Variants in ADARB2 observed in about 807,000 individuals in gnomAD.
ADARB2 encodes the protein inactive double-stranded RNA-specific editase B2.
Under a neutral mutation model 62.2 loss-of-function variants are expected in ADARB2, and 25 were observed. That is an observed-to-expected ratio of 0.40 (90% CI 0.29 to 0.56). ADARB2 has a LOEUF of 0.56. ADARB2 is among the 20% of genes least tolerant of loss of function. The pLI is 0.43. For missense variants in ADARB2, 1,071 were observed against 1,077.4 expected, an observed-to-expected ratio of 0.99 and a Z score of 0.08; for synonymous variants, 572 against 500.8, an observed-to-expected ratio of 1.14 and a Z score of -1.90.
intron 9 of ADARB2, among the ~76,000 whole-genome samples, 180 bp downstream of exon 9, chr10:1,184,681 C>T (rs1179776050): frequency 1.3e-5 from 2 of 152,220 alleles, no homozygotes; most frequent in Non-Finnish European, 2.9e-5. Flanking sequence ...GTAGCAGGGT[C>T]TCAAGCCTAC....
chr10:1,455,934 A>G (rs954475880), intron 1 of ADARB2, among the ~76,000 whole-genome samples: 1 of 152,220 alleles, frequency 6.6e-6, no homozygotes, highest in African/African-American at 2.4e-5. Context: ...TCTTTAATGT[A>G]TGTCACTTAA....
chr10:1,268,209 A>C (rs1215840520), intron 4 of ADARB2, among the ~76,000 whole-genome samples: 1 of 152,252 alleles, frequency 6.6e-6, no homozygotes, highest in Non-Finnish European at 1.5e-5. Context: ...AGTATGTAGT[A>C]CTTAGAATCA....
chr10:1,277,578 C>T (rs1831329564), intron 3 of ADARB2, among the ~76,000 whole-genome samples: 9 of 152,282 alleles, frequency 5.9e-5, no homozygotes, highest in Middle Eastern at 3.4e-3. Flanking sequence ...TCTGAATAGA[C>T]CAAAAACAGG....
intron 3 of ADARB2, among the ~76,000 whole-genome samples, chr10:1,313,185 G>T (rs922638091): frequency 6.6e-6 from 1 of 152,162 alleles, no homozygotes; most frequent in African/African-American, 2.4e-5. Context: ...TTATCTGTGT[G>T]GGGGAGGGCC....
chr10:1,516,741 G>C (rs1314520134), intron 1 of ADARB2, among the ~76,000 whole-genome samples: 1 of 152,216 alleles, frequency 6.6e-6, no homozygotes, highest in Non-Finnish European at 1.5e-5. Flanking sequence ...ACTGTGATGC[G>C]ACAGAGATGG....
chr10:1,510,063 C>CTCTT (rs200797624), intron 1 of ADARB2, among the ~76,000 whole-genome samples: 2 of 150,086 alleles, frequency 1.3e-5, no homozygotes, highest in African/African-American at 2.5e-5. Context: ...CTCTCTCTCA[C>CTCTT]TCTTTCTTTC....
At chr10:1,461,515 T>TATATATA (rs57405588) in intron 1 of ADARB2, among the ~76,000 whole-genome samples, 1 of 150,108 alleles carries the variant, frequency 6.7e-6, no homozygotes, top group African/African-American at 2.4e-5. Context: ...TGCATATATA[T>TATATATA]TTTTTTTTTT....
chr10:1,559,622 G>C lies in ADARB2; in HGVS notation c.100+177429C>G, dbSNP rs189895217. 1.7e-3 allele frequency among the ~76,000 whole-genome samples: 260 copies of C among 152,308 alleles called. 1 individual carries two copies. Among genetic ancestry groups the C allele is most frequent in the Middle Eastern group, 3.4e-3 (1 of 294 alleles). ...CGGTCAGGAGGAGCCTGGGCCGGTG[G>C]GGGGTGGTGCTGAGGTCAGCGGTGG... On this transcript the variant is annotated intron_variant, in intron 1 of 9. Transcript: ENST00000381312.
chr10:1,531,377 A>C (rs1319782853), intron 1 of ADARB2, among the ~76,000 whole-genome samples: 2 of 152,102 alleles, frequency 1.3e-5, no homozygotes, highest in Middle Eastern at 6.3e-3. Flanking sequence ...CAAAGATTCA[A>C]ATCTTTCTGG....
At chr10:1,658,093 T>C (rs1051091009) in intron 1 of ADARB2, among the ~76,000 whole-genome samples, 1 of 150,440 alleles carries the variant, frequency 6.6e-6, no homozygotes, top group Non-Finnish European at 1.5e-5. Context: ...TCTGTCTGAT[T>C]CTCTCTCTCT....
chr10:1,419,229 G>A (rs1477913540), intron 1 of ADARB2, among the ~76,000 whole-genome samples: 1 of 152,126 alleles, frequency 6.6e-6, no homozygotes, highest in Non-Finnish European at 1.5e-5. Flanking sequence ...AAGTAGCTGG[G>A]ATTACAGGCA....
intron 1 of ADARB2, among the ~76,000 whole-genome samples, chr10:1,511,569 C>A (rs1353907938): frequency 6.6e-6 from 1 of 151,984 alleles, no homozygotes; most frequent in Non-Finnish European, 1.5e-5. Flanking sequence ...AAGAATCAGC[C>A]GAGGAAGGAT....
At chr10:1,191,531 G>A (rs1836845783) in intron 8 of ADARB2, among the ~76,000 whole-genome samples, 1 of 152,138 alleles carries the variant, frequency 6.6e-6, no homozygotes, top group Non-Finnish European at 1.5e-5. Context: ...TAACGCCCTC[G>A]CTACCTGAGC....
chr10:1,199,233 T>C (rs1014657298), intron 8 of ADARB2, among the ~76,000 whole-genome samples: 2 of 150,822 alleles, frequency 1.3e-5, no homozygotes, highest in African/African-American at 4.9e-5. Flanking sequence ...CTTCCCGCTG[T>C]TCCTGTGAAA....
At chr10:1,321,813 G>A (rs1164059589) in intron 3 of ADARB2, among the ~76,000 whole-genome samples, 2 of 152,230 alleles carry the variant, frequency 1.3e-5, no homozygotes, top group African/African-American at 4.8e-5. Flanking sequence ...GTACTCTAAT[G>A]TAGAAGGAAG....
chr10:1,696,682 GC>G (rs1348039839), intron 1 of ADARB2, among the ~76,000 whole-genome samples: 2 of 152,174 alleles, frequency 1.3e-5, no homozygotes, highest in Non-Finnish European at 2.9e-5. Context: ...TGCTTCTCAG[GC>G]CTGCCCAGGG....
chr10:1,642,875 G>A (rs1275288173), intron 1 of ADARB2, among the ~76,000 whole-genome samples: 1 of 152,190 alleles, frequency 6.6e-6, no homozygotes, highest in East Asian at 1.9e-4. Flanking sequence ...TATGTTCTGG[G>A]TGAAGCGGGA....
intron 1 of ADARB2, among the ~76,000 whole-genome samples, chr10:1,577,899 G>A (rs1833041741): frequency 6.6e-6 from 1 of 152,202 alleles, no homozygotes; most frequent in South Asian, 2.1e-4. Flanking sequence ...AAGAGGAGAT[G>A]AGGACACAGA....
intron 1 of ADARB2, among the ~76,000 whole-genome samples, chr10:1,678,530 T>G (rs60602599): frequency 0.018 from 2,700 of 151,958 alleles, 75 homozygotes; most frequent in African/African-American, 0.061. Flanking sequence ...ACCTGCTGGC[T>G]CTCTCCTTTT....
Sources: gnomAD v4.1 joint callset for allele counts (sites outside exome capture counted in the v4.1 genomes callset) on GRCh38, gnomAD v4.1.1 for gene constraint, MANE v1.5 for transcripts, NCBI Gene and HGNC (gene_info 2026-07-23, HGNC 2026-07-21) for gene names.